The following NELL1 variants were observed in gnomAD, a reference collection of about 807,000 sequenced individuals.
NELL1 encodes protein kinase C-binding protein NELL1.
A neutral mutation model predicts 107.4 loss-of-function variants in NELL1; 76 were observed. That is an observed-to-expected ratio of 0.71 (90% CI 0.59 to 0.86). The LOEUF (loss-of-function observed/expected upper bound fraction) is 0.86. Ranked by LOEUF, NELL1 falls within the 40% of genes least tolerant of loss-of-function variation. The pLI, the probability that NELL1 is intolerant of heterozygous loss-of-function variation, is 0.00. For synonymous variants in NELL1, 353 were observed against 341.2 expected (o/e 1.03, Z -0.38); for missense variants, 1,024 against 1,005.5 (o/e 1.02, Z -0.25).
At chr11:20,764,951 C>T (rs909294672) in intron 2 of NELL1, among the ~76,000 whole-genome samples, 1 of 152,038 alleles carries the variant, frequency 6.6e-6, no homozygotes, top group Non-Finnish European at 1.5e-5. Context: ...CACTTGAGGT[C>T]AGGGGTTCAA....
chr11:20,766,101 A>G (rs1856523198), intron 2 of NELL1, among the ~76,000 whole-genome samples: 1 of 152,184 alleles, frequency 6.6e-6, no homozygotes, highest in Non-Finnish European at 1.5e-5. Flanking sequence ...GGTAAGCTGC[A>G]CCTAAGCTAT....
intron 15 of NELL1, among the ~76,000 whole-genome samples, chr11:21,403,256 G>A (rs1167005961): frequency 6.6e-6 from 1 of 151,532 alleles, no homozygotes; most frequent in South Asian, 2.1e-4. Flanking sequence ...GGTCTCATGG[G>A]GCACAAAGCA....
intron 12 of NELL1, among the ~76,000 whole-genome samples, chr11:21,081,663 G>A (rs1854272526): frequency 6.6e-6 from 1 of 152,086 alleles, no homozygotes; most frequent in Non-Finnish European, 1.5e-5. Flanking sequence ...TCTGGAAAAT[G>A]TGTCTCAAAT....
chr11:21,271,738 G>A (rs541731228), intron 14 of NELL1, among the ~76,000 whole-genome samples: 1 of 152,168 alleles, frequency 6.6e-6, no homozygotes, highest in South Asian at 2.1e-4. Flanking sequence ...AAATATTAGT[G>A]AATTGACTCC....
chr11:20,923,920 C>A (rs1305530521), intron 7 of NELL1, among the ~76,000 whole-genome samples: 3 of 152,158 alleles, frequency 2.0e-5, no homozygotes, highest in Non-Finnish European at 1.5e-5. Flanking sequence ...ATCCACCACA[C>A]AACTAATGTA....
intron 14 of NELL1, among the ~76,000 whole-genome samples, chr11:21,337,817 CTTCTTTCTTTCTTTCTTTCTTTTCTTTCT>C (rs1850460561): frequency 9.3e-5 from 3 of 32,370 alleles, no homozygotes; most frequent in South Asian, 2.5e-3. Flanking sequence ...TCTTGCTTTC[CTTCTTTCTTTCTTTCTTTCTTTTCTTTCT>C]TTCTTTCTTT....
intron 15 of NELL1, among the ~76,000 whole-genome samples, chr11:21,490,381 T>G (rs948352046): frequency 3.3e-5 from 5 of 149,668 alleles, no homozygotes; most frequent in African/African-American, 1.2e-4. Flanking sequence ...ATATACAGAT[T>G]CAATTCAATC....
intron 15 of NELL1, among the ~76,000 whole-genome samples, chr11:21,442,942 C>CTTTTTTTTTTTT (rs66501874): frequency 3.6e-4 from 21 of 57,588 alleles, no homozygotes; most frequent in Non-Finnish European, 5.2e-4. Context: ...GCTATCTTTC[C>CTTTTTTTTTTTT]TTTTTTTTTT....
chr11:21,380,037 C>A (rs890944790), intron 15 of NELL1, among the ~76,000 whole-genome samples: 1 of 152,034 alleles, frequency 6.6e-6, no homozygotes, highest in African/African-American at 2.4e-5. Context: ...GTGGCAAGGG[C>A]ATCTGGGGGG....
rs369811414 is a variant in NELL1 at position 21,016,609 on chromosome 11, T to C, written c.1300+56049T>C. Among the ~76,000 whole-genome samples, 9 of 152,146 alleles carry C rather than the reference T, an allele frequency of 5.9e-5. No individual in the cohort carries two copies. In the South Asian group the frequency reaches 1.9e-3, roughly 32 times the overall value. ...CTCAAATTACCTTTCCCTGCTATAG[T>C]CTCCCACTCTGCACCCACCAGCCGA... On this transcript the variant is annotated intron_variant, in intron 12 of 19. Transcript: ENST00000357134.
At chr11:20,867,322 G>T (rs548784325) in intron 4 of NELL1, among the ~76,000 whole-genome samples, 1 of 152,130 alleles carries the variant, frequency 6.6e-6, no homozygotes, top group African/African-American at 2.4e-5. Context: ...TTGACTCTAC[G>T]TCATGGGTTT....
At chr11:21,108,530 T>C (rs1181022891) in intron 12 of NELL1, among the ~76,000 whole-genome samples, 3 of 152,102 alleles carry the variant, frequency 2.0e-5, no homozygotes, top group Non-Finnish European at 4.4e-5. Context: ...TATGAAAGAA[T>C]TGCAATTTAA....
chr11:20,933,160 G>A (rs1850652632), intron 9 of NELL1, among the ~76,000 whole-genome samples: 1 of 152,236 alleles, frequency 6.6e-6, no homozygotes, highest in African/African-American at 2.4e-5. Context: ...GAGGTGGTGG[G>A]GGATATGGGA....
chr11:21,143,343 A>G (rs903443952), intron 13 of NELL1, among the ~76,000 whole-genome samples: 10 of 152,146 alleles, frequency 6.6e-5, no homozygotes, highest in Admixed American at 2.6e-4. Context: ...TGAGAGAATC[A>G]AGGTATAGTT....
chr11:21,455,186 C>T (rs1421872205), intron 15 of NELL1, among the ~76,000 whole-genome samples: 1 of 151,764 alleles, frequency 6.6e-6, no homozygotes, highest in African/African-American at 2.4e-5. Flanking sequence ...GTTTTTCTTT[C>T]AGTAGTTTAA....
intron 17 of NELL1, among the ~76,000 whole-genome samples, chr11:21,561,589 T>G (rs888936253): frequency 1.3e-5 from 2 of 152,094 alleles, no homozygotes; most frequent in African/African-American, 4.8e-5. Flanking sequence ...GTCTAAGCTG[T>G]GACTTGAACT....
At chr11:20,706,775 G>C (rs1854972294) in intron 2 of NELL1, among the ~76,000 whole-genome samples, 1 of 151,952 alleles carries the variant, frequency 6.6e-6, no homozygotes, top group South Asian at 2.1e-4. Context: ...TTCCCTTTGT[G>C]GGTAACCCAA....
chr11:21,252,542 G>A (rs549406992), intron 14 of NELL1, among the ~76,000 whole-genome samples: 3 of 152,148 alleles, frequency 2.0e-5, no homozygotes, highest in Admixed American at 2.0e-4. Context: ...ATACTTTTTA[G>A]GATAGCAGTT....
Position 21,190,128 on chromosome 11 carries a change from G to A in NELL1, c.1427-39204G>A, listed in dbSNP as rs144456608. On this transcript the variant is annotated intron_variant, in intron 13 of 19. Coordinates refer to ENST00000357134, the MANE Select transcript of NELL1 (RefSeq NM_006157.5). ...AGCACTTTGGGAGGCCGAGGTGGGTGGATCACCTGAGGTCAGGAGTTTGAG... is the reference window on the plus strand; with the variant it reads ...AGCACTTTGGGAGGCCGAGGTGGGTAGATCACCTGAGGTCAGGAGTTTGAG... Among the ~76,000 whole-genome samples the A allele has an allele frequency of 1.8e-3, 267 of 151,850 alleles. 4 individuals carry two copies. The East Asian group carries it at 0.041, about 23-fold the overall frequency.
Sources: allele counts gnomAD v4.1 joint callset (sites outside exome capture counted in the v4.1 genomes callset), GRCh38; gene constraint gnomAD v4.1.1; transcripts MANE v1.5; gene names NCBI Gene and HGNC (gene_info 2026-07-23, HGNC 2026-07-21).